Variants in CTNNA3 observed in about 807,000 individuals in gnomAD.
CTNNA3 encodes the protein catenin alpha-3.
Under a neutral mutation model 95.7 loss-of-function variants are expected in CTNNA3, and 76 were observed. The observed-to-expected ratio is 0.79, with a 90% CI of 0.66 to 0.96. CTNNA3 has a LOEUF of 0.96. Among genes scored for constraint, CTNNA3 ranks in the 40% least tolerant of loss-of-function variants. The pLI is 0.00. For missense variants in CTNNA3, 1,191 were observed against 1,089.8 expected (o/e 1.09, Z -1.31); for synonymous variants, 431 against 374.4 (o/e 1.15, Z -1.74).
chr10:67,543,892 G>A (rs1026199685), intron 3 of CTNNA3, among the ~76,000 whole-genome samples: 2 of 152,074 alleles, frequency 1.3e-5, no homozygotes, highest in Non-Finnish European at 2.9e-5. Flanking sequence ...TTATTTGGCA[G>A]GGAAGAGAGG....
chr10:66,764,508 T>C (rs1256975996), intron 9 of CTNNA3, among the ~76,000 whole-genome samples: 1 of 152,204 alleles, frequency 6.6e-6, no homozygotes, highest in Non-Finnish European at 1.5e-5. Context: ...TTTCTGAGAA[T>C]TGTTCGACCA....
intron 13 of CTNNA3, among the ~76,000 whole-genome samples, chr10:66,241,697 A>C (rs1163947584): frequency 6.7e-6 from 1 of 149,490 alleles, no homozygotes; most frequent in East Asian, 2.0e-4. Context: ...CTATAGAAAG[A>C]AACCATGAAT....
At chr10:66,023,074 C>T (rs2893978) in intron 15 of CTNNA3, among the ~76,000 whole-genome samples, 105,391 of 152,014 alleles carry the variant, frequency 0.69, 36,637 homozygotes, top group South Asian at 0.76. Flanking sequence ...GAACACCTCA[C>T]GGACCAAGTC....
chr10:66,698,550 T>C (rs12766687), intron 9 of CTNNA3, among the ~76,000 whole-genome samples: 3,532 of 152,320 alleles, frequency 0.023, 182 homozygotes, highest in East Asian at 0.22. Flanking sequence ...TTAAGATTCA[T>C]AATCCTCATC....
chr10:67,751,101 A>T (rs1371266132), intron 1 of CTNNA3: 2 of 1,410,474 alleles, frequency 1.4e-6, no homozygotes, highest in Admixed American at 3.4e-5. Flanking sequence ...TGTTGAGAAC[A>T]TTCAGGCCTT....
intron 7 of CTNNA3, among the ~76,000 whole-genome samples, chr10:66,975,602 T>G (rs1032348070): frequency 6.6e-6 from 1 of 152,206 alleles, no homozygotes; most frequent in African/African-American, 2.4e-5. Flanking sequence ...TCTATGATTG[T>G]CATGTACAGA....
intron 12 of CTNNA3, among the ~76,000 whole-genome samples, chr10:66,313,899 C>T (rs1564859363): frequency 6.6e-6 from 1 of 152,166 alleles, no homozygotes; most frequent in African/African-American, 2.4e-5. Context: ...TGAAATATTT[C>T]CCTTGTCTAC....
At chr10:66,870,291 A>C (rs1407054219) in intron 7 of CTNNA3, among the ~76,000 whole-genome samples, 1 of 152,170 alleles carries the variant, frequency 6.6e-6, no homozygotes, top group African/African-American at 2.4e-5. Context: ...ATTTGCAAAA[A>C]CGCAATGATG....
At chr10:66,309,784 G>A (rs558486170) in intron 12 of CTNNA3, among the ~76,000 whole-genome samples, 149 of 148,528 alleles carry the variant, frequency 1.0e-3, no homozygotes, top group African/African-American at 3.5e-3. Context: ...CCTTGGCCAA[G>A]TGCAGTGGCT....
intron 5 of CTNNA3, among the ~76,000 whole-genome samples, chr10:67,355,910 T>C (rs1370525163): frequency 6.6e-6 from 1 of 151,932 alleles, no homozygotes; most frequent in Non-Finnish European, 1.5e-5. Context: ...ACTGCCCTTC[T>C]CCCAGCCTCC....
At chr10:66,316,879 C>T (rs189198092) in intron 12 of CTNNA3, among the ~76,000 whole-genome samples, 1 of 152,052 alleles carries the variant, frequency 6.6e-6, no homozygotes, top group Non-Finnish European at 1.5e-5. Flanking sequence ...TAGACCAAAA[C>T]CTATGAACTT....
intron 13 of CTNNA3, among the ~76,000 whole-genome samples, chr10:66,197,887 T>C (rs2087066509): frequency 6.6e-6 from 1 of 151,920 alleles, no homozygotes; most frequent in Non-Finnish European, 1.5e-5. Flanking sequence ...AATAAAAATT[T>C]CAATTCAGAG....
chr10:66,078,714 C>G (rs2080629305), intron 14 of CTNNA3, among the ~76,000 whole-genome samples: 1 of 151,776 alleles, frequency 6.6e-6, no homozygotes, highest in Non-Finnish European at 1.5e-5. Context: ...TATTTAATTG[C>G]ATTGTGTTTT....
chr10:66,355,778 C>T (rs1404321746), intron 12 of CTNNA3, among the ~76,000 whole-genome samples: 1 of 151,852 alleles, frequency 6.6e-6, no homozygotes, highest in African/African-American at 2.4e-5. Context: ...TCTAACAATG[C>T]CAAACCAAAG....
At chr10:66,473,880 G>A (rs1839226744) in intron 11 of CTNNA3, among the ~76,000 whole-genome samples, 1 of 152,098 alleles carries the variant, frequency 6.6e-6, no homozygotes, top group African/African-American at 2.4e-5. Context: ...ATTCCATGGT[G>A]TATATGTGCC....
At chr10:66,492,424 C>T (rs1839954653) in intron 11 of CTNNA3, among the ~76,000 whole-genome samples, 1 of 150,986 alleles carries the variant, frequency 6.6e-6, no homozygotes, top group Non-Finnish European at 1.5e-5. Flanking sequence ...GCTGGGACTA[C>T]AGGCGCACGC....
intron 13 of CTNNA3, among the ~76,000 whole-genome samples, chr10:66,154,996 C>T (rs1288791282): frequency 6.6e-6 from 1 of 151,492 alleles, no homozygotes; most frequent in African/African-American, 2.4e-5. Flanking sequence ...TCCACAACAA[C>T]TCAACTTTAC....
intron 13 of CTNNA3, among the ~76,000 whole-genome samples, chr10:66,141,194 A>T (rs1335684694): frequency 6.6e-6 from 1 of 151,794 alleles, no homozygotes; most frequent in Non-Finnish European, 1.5e-5. Flanking sequence ...AGGAGGTGGA[A>T]GTTGCAGTGA....
intron 9 of CTNNA3, among the ~76,000 whole-genome samples, chr10:66,699,991 G>C (rs1045686857): frequency 6.6e-6 from 1 of 150,606 alleles, no homozygotes; most frequent in Non-Finnish European, 1.5e-5. Flanking sequence ...AAGTTACTTG[G>C]TTTTTTTTTG....
Sources: allele counts gnomAD v4.1 joint callset (sites outside exome capture counted in the v4.1 genomes callset), GRCh38; gene constraint gnomAD v4.1.1; transcripts MANE v1.5; gene names NCBI Gene and HGNC (gene_info 2026-07-23, HGNC 2026-07-21).